The following DNAH9 variants were observed in gnomAD, a reference collection of about 807,000 sequenced individuals.
DNAH9 encodes dynein axonemal heavy chain 9, also known as DNAH9 variant protein.
DNAH9 carries 345 observed loss-of-function variants against 471.6 expected under a neutral mutation model. The observed-to-expected ratio is 0.73, with a 90% CI of 0.67 to 0.80. The LOEUF is 0.80. Among genes scored for constraint, DNAH9 ranks in the 30% least tolerant of loss-of-function variants. DNAH9 has a pLI of 0.00. For synonymous variants in DNAH9, 2,093 were observed against 2,123.6 expected (o/e 0.99, Z 0.40); for missense variants, 5,407 against 5,609.2 (o/e 0.96, Z 1.15).
At chr17:11,826,029 GT>G (rs375271368) in intron 48 of DNAH9, among the ~76,000 whole-genome samples, 3 of 152,200 alleles carry the variant, frequency 2.0e-5, no homozygotes, top group African/African-American at 7.2e-5. Context: ...AGCTGGTCAG[GT>G]TTTTGGCCAT....
chr17:11,905,545 A>G (rs1567890809), intron 60 of DNAH9, 116 bp from the exon 61 acceptor site: 1 of 1,120,024 alleles, frequency 8.9e-7, no homozygotes, highest in African/African-American at 1.6e-5. Flanking sequence ...CTCTATAACT[A>G]CCTAGCCCAT....
intron 19 of DNAH9, among the ~76,000 whole-genome samples, chr17:11,681,471 C>CA (rs2074131542): frequency 2.0e-5 from 3 of 152,154 alleles, no homozygotes; most frequent in Admixed American, 6.5e-5. Context: ...GATTTCCTCC[C>CA]GTGGTGAAGC....
At chr17:11,614,353 T>A (rs1340791110) in intron 4 of DNAH9, among the ~76,000 whole-genome samples, 1 of 151,734 alleles carries the variant, frequency 6.6e-6, no homozygotes. Context: ...TAGAAAACAG[T>A]GAGAAGAAAA....
chr17:11,706,920 A>C (rs1166259975), intron 26 of DNAH9, among the ~76,000 whole-genome samples: 1 of 152,202 alleles, frequency 6.6e-6, no homozygotes, highest in African/African-American at 2.4e-5. Flanking sequence ...GTAGTCAGCC[A>C]TAAAGGAGTC....
At position 11,784,331 on chromosome 17, in the gene DNAH9, C is replaced by A; in HGVS notation, c.7853C>A (p.Pro2618Gln). ...TTCAGCGTGTTTGTCCTCTCCTTCC[C>A]GGGGGCAGATGCCCTGTCCTCTATC... ...RHFSVFVLSF[P>Q]GADALSSIYS... Residue 2618 changes from proline (P) to glutamine (Q), a missense_variant, in exon 41 of 69, where the codon CCG becomes CAG. This residue lies in a region of DNAH9 where 4,636 missense variants were observed against 4,900.3 expected (regional missense o/e 0.95). Transcript: ENST00000262442. 1 of 1,614,158 alleles carries A rather than the reference C, an allele frequency of 6.2e-7. No individual in the cohort carries two copies. The highest frequency in any genetic ancestry group is 2.2e-5 in the East Asian group (1 of 44,878).
At chr17:11,632,120 T>C (rs1041870884) in intron 7 of DNAH9, among the ~76,000 whole-genome samples, 1 of 152,208 alleles carries the variant, frequency 6.6e-6, no homozygotes, top group African/African-American at 2.4e-5. Context: ...ATTGTTTGTA[T>C]TAGTTTAATT....
chr17:11,881,859 C>T (rs1363196507), intron 55 of DNAH9, among the ~76,000 whole-genome samples: 1 of 152,016 alleles, frequency 6.6e-6, no homozygotes, highest in Non-Finnish European at 1.5e-5. Flanking sequence ...TTGCAGTGAG[C>T]CAAGATCGTG....
intron 17 of DNAH9, among the ~76,000 whole-genome samples, chr17:11,673,675 A>G (rs1461463107): frequency 1.3e-5 from 2 of 151,050 alleles, no homozygotes; most frequent in East Asian, 1.9e-4. Flanking sequence ...TATAACATAC[A>G]TACAATTTAG....
intron 48 of DNAH9, among the ~76,000 whole-genome samples, chr17:11,827,558 T>C (rs1970540110): frequency 6.6e-6 from 1 of 152,134 alleles, no homozygotes; most frequent in Admixed American, 6.5e-5. Context: ...GACATATACC[T>C]CTATGTTTCA....
At chr17:11,919,505 G>GA (rs1221694573) in intron 61 of DNAH9, among the ~76,000 whole-genome samples, 20,633 of 100,234 alleles carry the variant, frequency 0.21, 1,522 homozygotes, top group Middle Eastern at 0.27. Context: ...AAAAAAAAAA[G>GA]AAAAAAAAAA....
In DNAH9 at chr17:11,690,151, CTGGGCTG is replaced by C; in HGVS notation, c.4330_4336del (p.Trp1444AlafsTer24). 6.2e-7 allele frequency: 1 copy of C among 1,614,208 alleles called. No individual in the cohort carries two copies. The highest frequency in any genetic ancestry group is 1.3e-5 in the African/African-American group (1 of 75,058). On this transcript the variant is annotated frameshift_variant, in exon 20 of 69. Transcript: ENST00000262442. LOFTEE classifies it high-confidence loss of function. ...AAACCTTAAAGGAGCTGCAGACTAC[CTGGGCTG>C]GCATGGAATTCCAGTATGAGCCCCA...
chr17:11,684,887 A>ATTTG (rs1375248825), intron 19 of DNAH9, among the ~76,000 whole-genome samples: 2 of 152,164 alleles, frequency 1.3e-5, no homozygotes, highest in Non-Finnish European at 2.9e-5. Flanking sequence ...AAAGGGCAAT[A>ATTTG]TTTGTCATTA....
intron 61 of DNAH9, among the ~76,000 whole-genome samples, chr17:11,906,226 A>G (rs901638459): frequency 6.6e-6 from 1 of 152,226 alleles, no homozygotes; most frequent in Non-Finnish European, 1.5e-5. Context: ...AAATTATTCT[A>G]TTAACATTAT....
At chr17:11,804,830 C>T (rs567753947) in intron 43 of DNAH9, among the ~76,000 whole-genome samples, 25 of 151,180 alleles carry the variant, frequency 1.7e-4, no homozygotes, top group African/African-American at 5.6e-4. Context: ...GCCGAGATCG[C>T]GCCACTGTAC....
At chr17:11,717,124 C>T (rs1452202106) in intron 26 of DNAH9, among the ~76,000 whole-genome samples, 2 of 152,242 alleles carry the variant, frequency 1.3e-5, no homozygotes, top group Non-Finnish European at 2.9e-5. Context: ...CCCTGACTCA[C>T]CTCATCATGC....
At chr17:11,964,860 C>T (rs1976557435) in intron 68 of DNAH9, among the ~76,000 whole-genome samples, 1 of 152,016 alleles carries the variant, frequency 6.6e-6, no homozygotes, top group Admixed American at 6.5e-5. Context: ...CCCCACCCCC[C>T]CACAAAAAAA....
chr17:11,785,108 A>G (rs1177198311), intron 41 of DNAH9, among the ~76,000 whole-genome samples: 2 of 152,094 alleles, frequency 1.3e-5, no homozygotes, highest in African/African-American at 4.8e-5. Context: ...GTGATGGCGT[A>G]TCTCTGCCTA....
rs747636946 is a variant in DNAH9, at chr17:11,598,873, G to A, written c.375G>A (p.Leu125=). ...SFRGAVVCGD[L]PAAPLEHLAA... is the part of the protein sequence containing the mutation. ...GCGGCGCAGTGGTCTGCGGGGACCT[G>A]CCCGCGGCACCTCTGGAGCACCTAG... The change falls in exon 1 of 69, where the codon CTG becomes CTA. Residue 125 remains leucine (L), a synonymous_variant. Transcript: ENST00000262442. 3 of 1,543,540 alleles carry A rather than the reference G, an allele frequency of 1.9e-6. No individual in the cohort carries two copies. Among genetic ancestry groups the A allele is most frequent in the African/African-American group, 1.4e-5 (1 of 72,010 alleles).
At chr17:11,863,356 T>C (rs1279254451) in intron 50 of DNAH9, among the ~76,000 whole-genome samples, 4 of 152,134 alleles carry the variant, frequency 2.6e-5, no homozygotes, top group Non-Finnish European at 5.9e-5. Context: ...CAGCCTTGCA[T>C]CCCAGGGATG....
Sources: gnomAD v4.1 joint callset for allele counts (sites outside exome capture counted in the v4.1 genomes callset) on GRCh38, gnomAD v4.1.1 for gene constraint, gnomAD v4.1.1 regional missense constraint, MANE v1.5 for transcripts, NCBI Gene and HGNC (gene_info 2026-07-23, HGNC 2026-07-21) for gene names.